The following NTM variants were observed in gnomAD, a reference collection of about 807,000 sequenced individuals.
NTM encodes neurotrimin.
Under a neutral mutation model 42.1 loss-of-function variants are expected in NTM, and 13 were observed. That is an observed-to-expected ratio of 0.31 (90% CI 0.20 to 0.49). The LOEUF (loss-of-function observed/expected upper bound fraction) is 0.49. Among genes scored for constraint, NTM ranks in the 20% least tolerant of loss-of-function variants. The pLI, the probability that NTM is intolerant of heterozygous loss-of-function variation, is 0.99. For synonymous variants in NTM, 187 were observed against 179.2 expected (o/e 1.04, Z -0.35); for missense variants, 373 against 452.8 (o/e 0.82, Z 1.60).
chr11:132,240,047 A>G (rs2089916594), intron 4 of NTM, among the ~76,000 whole-genome samples: 1 of 140,220 alleles, frequency 7.1e-6, no homozygotes, highest in South Asian at 2.2e-4. Flanking sequence ...TCATCCGTCC[A>G]TCCCTCCATC....
chr11:132,019,270 CTT>C (rs34582872), intron 2 of NTM, among the ~76,000 whole-genome samples: 74,190 of 151,344 alleles, frequency 0.49, 19,170 homozygotes, highest in East Asian at 0.81. Flanking sequence ...GATCTTTTGC[CTT>C]TTTTTAACAT....
intron 1 of NTM, among the ~76,000 whole-genome samples, chr11:131,499,060 C>T (rs993998974): frequency 6.6e-6 from 1 of 152,066 alleles, no homozygotes; most frequent in African/African-American, 2.4e-5. Flanking sequence ...GGAGTCCAGT[C>T]GCGTTAAACA....
intron 4 of NTM, among the ~76,000 whole-genome samples, chr11:132,265,625 T>G (rs573702489): frequency 7.8e-4 from 119 of 152,220 alleles, no homozygotes; most frequent in Non-Finnish European, 1.4e-3. Context: ...AAAAGCTGGG[T>G]CAAATGCAGG....
chr11:131,666,687 A>G (rs1052695485), intron 1 of NTM, among the ~76,000 whole-genome samples: 1 of 152,168 alleles, frequency 6.6e-6, no homozygotes, highest in African/African-American at 2.4e-5. Context: ...CCGACCCACA[A>G]CAGAGTCCTC....
At chr11:132,322,082 A>C (rs1037149233) in intron 7 of NTM, among the ~76,000 whole-genome samples, 2 of 152,210 alleles carry the variant, frequency 1.3e-5, no homozygotes, top group Admixed American at 6.5e-5. Flanking sequence ...ACAGGCCAAA[A>C]TGTAAAGACC....
At chr11:131,829,833 C>A (rs571473452) in intron 1 of NTM, among the ~76,000 whole-genome samples, 22 of 152,146 alleles carry the variant, frequency 1.4e-4, no homozygotes, top group Non-Finnish European at 2.8e-4. Context: ...TGCAGCCTTG[C>A]GAGCATCAGT....
chr11:132,283,720 AG>A (rs2094104848), intron 4 of NTM, among the ~76,000 whole-genome samples: 1 of 152,218 alleles, frequency 6.6e-6, no homozygotes, highest in African/African-American at 2.4e-5. Context: ...AGTTAGGCTC[AG>A]GGACTGAGAA....
intron 1 of NTM, among the ~76,000 whole-genome samples, chr11:131,496,858 T>C (rs915671940): frequency 2.0e-5 from 3 of 152,110 alleles, no homozygotes; most frequent in Non-Finnish European, 4.4e-5. Context: ...TGACAGCAAC[T>C]TGGGAACAGG....
intron 3 of NTM, among the ~76,000 whole-genome samples, chr11:132,183,810 G>T (rs1051631067): frequency 3.9e-5 from 6 of 151,912 alleles, no homozygotes; most frequent in Non-Finnish European, 2.9e-5. Flanking sequence ...TTTTTCAAAT[G>T]ACACCTGTGT....
At chr11:132,270,983 C>T (rs1287202926) in intron 4 of NTM, among the ~76,000 whole-genome samples, 1 of 152,148 alleles carries the variant, frequency 6.6e-6, no homozygotes, top group Non-Finnish European at 1.5e-5. Context: ...TATACAACTA[C>T]CCGTTTATTG....
rs151318015 is a variant in NTM, at chr11:131,626,716, G to A, written c.82+255828G>A. The stretch of plus-strand genomic sequence containing the variant: ...ATCTGCAAGGAGGCGAAGGCTCCTA[G>A]ACGATCTCTACTTATTCTCCATCTG... On this transcript the variant is annotated intron_variant, in intron 1 of 8. Transcript: ENST00000683400. Among the ~76,000 whole-genome samples, 249 of 152,348 alleles carry A rather than the reference G, an allele frequency of 1.6e-3. 1 individual carries two copies. The highest frequency in any genetic ancestry group is 5.7e-3 in the African/African-American group (235 of 41,580).
At chr11:131,403,609 C>T (rs1945483561) in intron 1 of NTM, among the ~76,000 whole-genome samples, 2 of 152,188 alleles carry the variant, frequency 1.3e-5, no homozygotes, top group Non-Finnish European at 2.9e-5. Context: ...TGGGTGTTTA[C>T]TACTGCCCAG....
chr11:131,994,580 G>T (rs532959289), intron 2 of NTM, among the ~76,000 whole-genome samples: 3 of 152,222 alleles, frequency 2.0e-5, no homozygotes, highest in African/African-American at 7.2e-5. Context: ...TTTTGTTGAG[G>T]GAAGCAACTT....
chr11:131,700,839 A>G (rs1367419779), intron 1 of NTM, among the ~76,000 whole-genome samples: 1 of 152,216 alleles, frequency 6.6e-6, no homozygotes, highest in East Asian at 1.9e-4. Flanking sequence ...CCAATAATTT[A>G]CCACCAAAAG....
chr11:131,844,054 G>A (rs182610963), intron 1 of NTM, among the ~76,000 whole-genome samples: 1 of 151,980 alleles, frequency 6.6e-6, no homozygotes, highest in East Asian at 1.9e-4. Context: ...TTTCTTTGAT[G>A]AGTTTGTGGA....
chr11:131,561,790 T>C (rs1267800423), intron 1 of NTM, among the ~76,000 whole-genome samples: 1 of 152,216 alleles, frequency 6.6e-6, no homozygotes, highest in Admixed American at 6.5e-5. Flanking sequence ...GCCTTCATCA[T>C]CATCCTTCTT....
At chr11:131,579,157 G>T (rs1416289309) in intron 1 of NTM, among the ~76,000 whole-genome samples, 1 of 152,134 alleles carries the variant, frequency 6.6e-6, no homozygotes, top group African/African-American at 2.4e-5. Flanking sequence ...GACTGCTGTA[G>T]GGTCACATGG....
chr11:132,145,536 G>A (rs2070195129), intron 2 of NTM, among the ~76,000 whole-genome samples: 1 of 152,152 alleles, frequency 6.6e-6, no homozygotes, highest in Admixed American at 6.5e-5. Context: ...AGAGAAGGGA[G>A]ATTCCACAAT....
intron 1 of NTM, among the ~76,000 whole-genome samples, chr11:131,621,918 C>T (rs900436334): frequency 2.6e-5 from 4 of 151,586 alleles, no homozygotes; most frequent in African/African-American, 9.7e-5. Context: ...TATTTGGGGG[C>T]CTAGATAACA....
Sources: gnomAD v4.1 joint callset for allele counts (sites outside exome capture counted in the v4.1 genomes callset) on GRCh38, gnomAD v4.1.1 for gene constraint, MANE v1.5 for transcripts, NCBI Gene and HGNC (gene_info 2026-07-23, HGNC 2026-07-21) for gene names.